The following CACNA1E variants were observed in gnomAD, a reference collection of about 807,000 sequenced individuals.
The protein encoded by CACNA1E is voltage-dependent R-type calcium channel subunit alpha-1E.
In CACNA1E, 40 loss-of-function variants were observed where a neutral mutation model predicts 259.2. The ratio of observed to expected loss-of-function variants is 0.15; its 90% confidence interval spans 0.12 to 0.20. The LOEUF is 0.20. Among genes scored for constraint, CACNA1E ranks in the 10% least tolerant of loss-of-function variants. The pLI is 1.00. For synonymous variants in CACNA1E, 1,104 were observed against 1,138.5 expected (o/e 0.97, Z 0.61); for missense variants, 1,874 against 3,040.1 (o/e 0.62, Z 9.02).
At chr1:181,710,805 G>C in intron 7 of CACNA1E, 149 bp from the exon 8 acceptor site, 1 of 621,406 alleles carries the variant, frequency 1.6e-6, no homozygotes, top group Non-Finnish European at 2.9e-6. Context: ...ATTGTAAGGA[G>C]GTCATATTTG....
At chr1:181,568,928 A>G (rs1572236743) in intron 3 of CACNA1E, among the ~76,000 whole-genome samples, 1 of 150,834 alleles carries the variant, frequency 6.6e-6, no homozygotes, top group African/African-American at 2.4e-5. Context: ...CTTACTGTCT[A>G]CTCTCCCCTG....
intron 2 of CACNA1E, among the ~76,000 whole-genome samples, chr1:181,475,895 T>C (rs999223372): frequency 3.3e-5 from 5 of 151,938 alleles, no homozygotes; most frequent in African/African-American, 1.2e-4. Context: ...AGGAGCTAGA[T>C]GTGGTGTGGA....
intron 2 of CACNA1E, among the ~76,000 whole-genome samples, chr1:181,415,335 A>G (rs1253975891): frequency 3.9e-5 from 6 of 152,194 alleles, no homozygotes; most frequent in East Asian, 1.9e-4. Flanking sequence ...ATCTAGTACC[A>G]GCCACCTACC....
At position 181,752,207 on chromosome 1, in the gene CACNA1E, C is replaced by T. The variant is rs561372589; in HGVS notation, c.3796C>T (p.Leu1266=). ...SLRVLRVLRP[L]KTIKRLPKLK... Reference sequence around the variant, plus strand: ...GCGGGTGCTCCGAGTTCTAAGGCCACTGAAAACCATCAAGCGCTTGCCCAA... The same window carrying T: ...GCGGGTGCTCCGAGTTCTAAGGCCATTGAAAACCATCAAGCGCTTGCCCAA... The change falls in exon 27 of 48, where the codon CTG becomes TTG. Residue 1266 remains leucine, a synonymous_variant. Coordinates refer to ENST00000367573, the MANE Select transcript of CACNA1E (RefSeq NM_001205293.3). 1 of 1,613,928 alleles carries T rather than the reference C, an allele frequency of 6.2e-7. No homozygotes were observed. The highest frequency in any genetic ancestry group is 1.3e-5 in the African/African-American group (1 of 75,056).
chr1:181,667,826 T>C (rs1648386768), intron 7 of CACNA1E, among the ~76,000 whole-genome samples: 1 of 151,826 alleles, frequency 6.6e-6, no homozygotes, highest in South Asian at 2.1e-4. Context: ...GCTGGCAATG[T>C]GGAGGACGTG....
At chr1:181,416,045 A>G (rs1450906811) in intron 2 of CACNA1E, among the ~76,000 whole-genome samples, 3 of 152,218 alleles carry the variant, frequency 2.0e-5, no homozygotes. Context: ...TCAAGGCAGT[A>G]TTTTCATTAG....
At chr1:181,404,514 C>T (rs1296129884) in intron 1 of CACNA1E, among the ~76,000 whole-genome samples, 10 of 152,010 alleles carry the variant, frequency 6.6e-5, no homozygotes, top group Admixed American at 5.2e-4. Flanking sequence ...GTAATCATGT[C>T]GTAAAATATG....
chr1:181,600,307 CTG>C (rs1416045769), intron 6 of CACNA1E, among the ~76,000 whole-genome samples: 2 of 152,190 alleles, frequency 1.3e-5, no homozygotes, highest in African/African-American at 4.8e-5. Context: ...GCCTCGTTGA[CTG>C]TGATTAGGAG....
intron 6 of CACNA1E, among the ~76,000 whole-genome samples, chr1:181,625,406 T>A (rs1267459212): frequency 3.9e-5 from 6 of 152,158 alleles, no homozygotes; most frequent in Non-Finnish European, 5.9e-5. Context: ...ACATTGAAAA[T>A]CTGTTGTTTA....
intron 1 of CACNA1E, among the ~76,000 whole-genome samples, chr1:181,365,746 G>T (rs566763271): frequency 1.3e-5 from 2 of 152,348 alleles, no homozygotes; most frequent in South Asian, 4.1e-4. Context: ...CTTCTCTGTG[G>T]CTGGGGCCAT....
intron 1 of CACNA1E, among the ~76,000 whole-genome samples, chr1:181,369,002 G>A (rs1414855403): frequency 2.0e-5 from 3 of 152,152 alleles, no homozygotes; most frequent in Non-Finnish European, 4.4e-5. Flanking sequence ...TTGTATGAAT[G>A]ATGTTCTATC....
chr1:181,489,362 C>A (rs1226036268), intron 1 of CACNA1E, among the ~76,000 whole-genome samples: 1 of 151,828 alleles, frequency 6.6e-6, no homozygotes, highest in East Asian at 1.9e-4. Flanking sequence ...TGGGTTTTTC[C>A]TAGGATTTTC....
intron 1 of CACNA1E, among the ~76,000 whole-genome samples, chr1:181,495,061 A>T (rs549261866): frequency 6.6e-6 from 1 of 152,194 alleles, no homozygotes; most frequent in Non-Finnish European, 1.5e-5. Context: ...TTTAAGCAGG[A>T]GGTAGCATCT....
rs575669972 is a variant in CACNA1E, at chr1:181,324,168, A to G, written c.-15+6045A>G. ...TGACTAGGATACTGGGAATAGAGCA[A>G]TGAACGAGACAGCCAGATATCATAC... On this transcript the variant is annotated intron_variant, in intron 1 of 11. Transcript: ENST00000524607. Among the ~76,000 whole-genome samples, 37 of 152,354 alleles carry G rather than the reference A, an allele frequency of 2.4e-4. 1 individual carries two copies. The South Asian group carries it at 7.5e-3, about 31-fold the overall frequency.
At chr1:181,457,318 C>T (rs570395185) in intron 2 of CACNA1E, among the ~76,000 whole-genome samples, 24 of 152,362 alleles carry the variant, frequency 1.6e-4, no homozygotes, top group Admixed American at 3.9e-4. Flanking sequence ...ATACCATCCC[C>T]GTGGGGGGTT....
intron 45 of CACNA1E, among the ~76,000 whole-genome samples, chr1:181,794,457 C>A (rs1661610216): frequency 6.6e-6 from 1 of 151,424 alleles, no homozygotes; most frequent in African/African-American, 2.4e-5. Context: ...AAAAAAAAAG[C>A]AAAGCCATGC....
intron 42 of CACNA1E, 137 bp from the exon 43 acceptor site, chr1:181,785,576 C>A (rs1446978150): frequency 2.3e-6 from 2 of 863,360 alleles, no homozygotes; most frequent in Non-Finnish European, 3.9e-6. Context: ...GAATTAGAAA[C>A]CCAGTGGATC....
At chr1:181,598,880 G>A (rs957481592) in intron 6 of CACNA1E, among the ~76,000 whole-genome samples, 1 of 150,994 alleles carries the variant, frequency 6.6e-6, no homozygotes, top group Non-Finnish European at 1.5e-5. Context: ...ATGACTGCTA[G>A]CCGTCTAGGC....
chr1:181,793,818 T>C lies in CACNA1E; in HGVS notation c.6027+25T>C, dbSNP rs777858971. 10 of 1,607,652 alleles carry C rather than the reference T, an allele frequency of 6.2e-6. No individual in the cohort carries two copies. The African/African-American group carries it at 1.2e-4, about 19-fold the overall frequency. The stretch of plus-strand genomic sequence containing the variant: ...GGTAAAAAGCAACCACCTACATTAA[T>C]GCAGTGGCATCCGGGCTGTATTAGC... On this transcript the variant is annotated intron_variant, in intron 45 of 47. Coordinates refer to ENST00000367573, the MANE Select transcript of CACNA1E (RefSeq NM_001205293.3).
Sources: gnomAD v4.1 joint callset for allele counts (sites outside exome capture counted in the v4.1 genomes callset) on GRCh38, gnomAD v4.1.1 for gene constraint, MANE v1.5 for transcripts, NCBI Gene and HGNC (gene_info 2026-07-23, HGNC 2026-07-21) for gene names.